Variants in ANO1 observed in about 807,000 individuals in gnomAD.
ANO1 encodes the protein anoctamin 1.
ANO1 carries 59 observed loss-of-function variants against 124.0 expected under a neutral mutation model. The observed-to-expected ratio is 0.48, with a 90% CI of 0.39 to 0.59. The LOEUF (loss-of-function observed/expected upper bound fraction) is 0.59. ANO1 is among the 20% of genes least tolerant of loss of function. The pLI is 0.00. For synonymous variants in ANO1, 529 were observed against 532.0 expected (o/e 0.99, Z 0.08); for missense variants, 1,059 against 1,328.0 (o/e 0.80, Z 3.15).
chr11:69,976,826 G>T, the ANO1 span, among the ~76,000 whole-genome samples: 1 of 152,236 alleles, frequency 6.6e-6, no homozygotes, highest in East Asian at 1.9e-4. Context: ...GCCCTGACCG[G>T]CCCGGGCCAT....
intron 12 of ANO1, chr11:70,150,003 C>A: frequency 1.5e-6 from 1 of 673,042 alleles, no homozygotes; most frequent in Non-Finnish European, 2.7e-6. Flanking sequence ...TGACCACTCC[C>A]TGTCTGCTGA....
At chr11:70,187,456 G>C (rs1264870521) in intron 25 of ANO1, among the ~76,000 whole-genome samples, 1 of 152,176 alleles carries the variant, frequency 6.6e-6, no homozygotes, top group African/African-American at 2.4e-5. Context: ...TGATCCATCA[G>C]GTCACTTCCT....
chr11:70,143,351 C>T (rs530060997), intron 11 of ANO1, among the ~76,000 whole-genome samples: 1 of 152,222 alleles, frequency 6.6e-6, no homozygotes, highest in South Asian at 2.1e-4. Context: ...AAAGGGAGTC[C>T]GCCAGCCAGC....
rs1856353444 is a variant in ANO1 at position 70,000,134 on chromosome 11, A to G, written c.58+13968A>G. 2.0e-5 allele frequency among the ~76,000 whole-genome samples: 3 copies of G among 152,188 alleles called. No homozygotes were observed. The South Asian group carries it at 6.2e-4, about 31-fold the overall frequency. ...AAGTGAGGTCACTTTTTGGATGGAG[A>G]TAATAAAGTGGGGACATAGCTACCC... On this transcript the variant is annotated intron_variant, in intron 1 of 27. Transcript: ENST00000531349.
At chr11:70,176,943 A>G (rs956902398) in intron 22 of ANO1, among the ~76,000 whole-genome samples, 1 of 151,996 alleles carries the variant, frequency 6.6e-6, no homozygotes, top group Non-Finnish European at 1.5e-5. Context: ...GCATTTCTCT[A>G]ACACACCCCG....
chr11:70,013,089 A>G (rs891861190), intron 1 of ANO1, among the ~76,000 whole-genome samples: 1 of 152,222 alleles, frequency 6.6e-6, no homozygotes, highest in Non-Finnish European at 1.5e-5. Context: ...CTAACAAAAA[A>G]CCACATTTAA....
At chr11:69,983,967 G>A (rs1194614851), upstream of ANO1, among the ~76,000 whole-genome samples, 1 of 152,046 alleles carries the variant, frequency 6.6e-6, no homozygotes, top group African/African-American at 2.4e-5. Flanking sequence ...GTCCATCCCT[G>A]CCCCAAAAAG....
At chr11:70,093,539 G>C (rs997072099) in intron 2 of ANO1, among the ~76,000 whole-genome samples, 1 of 152,176 alleles carries the variant, frequency 6.6e-6, no homozygotes, top group Non-Finnish European at 1.5e-5. Flanking sequence ...TGTGCTGGGG[G>C]GCGGCTGAGG....
chr11:70,085,634 G>A, intron 1 of ANO1: 1 of 1,532,500 alleles, frequency 6.5e-7, no homozygotes, highest in African/African-American at 1.4e-5. Flanking sequence ...ACCAGGGGTA[G>A]AGGAGTCTAG....
In ANO1 at chr11:70,146,328, G is replaced by C. The variant is rs1183219214; in HGVS notation, c.1259-3382G>C. 3.3e-5 allele frequency among the ~76,000 whole-genome samples: 5 copies of C among 152,294 alleles called. No homozygotes were observed. The East Asian group carries it at 9.6e-4, about 29-fold the overall frequency. ...CCTCCTTCCTGCCTGCGGTCGTTGT[G>C]AGGATGAGATTGACTGATATGTGTA... On this transcript the variant is annotated intron_variant, in intron 11 of 25. Coordinates refer to ENST00000355303, the MANE Select transcript of ANO1 (RefSeq NM_018043.7).
intron 2 of ANO1, among the ~76,000 whole-genome samples, chr11:70,092,050 CCTCT>C (rs2044650141): frequency 6.6e-6 from 1 of 152,194 alleles, no homozygotes; most frequent in South Asian, 2.1e-4. Context: ...GGCCGCGCTC[CCTCT>C]AAGACTCCAG....
chr11:70,167,655 C>T (rs1408418614), intron 21 of ANO1, among the ~76,000 whole-genome samples: 1 of 152,052 alleles, frequency 6.6e-6, no homozygotes, highest in Admixed American at 6.5e-5. Flanking sequence ...GCACGGTCCC[C>T]AAGCATGGTC....
chr11:69,969,744 C>T, the ANO1 span, among the ~76,000 whole-genome samples: 1 of 152,048 alleles, frequency 6.6e-6, no homozygotes, highest in Admixed American at 6.6e-5. Flanking sequence ...GTCAGGAGTT[C>T]GAGAACAGCC....
At chr11:70,083,426 GC>G (rs2044260178) in intron 1 of ANO1, among the ~76,000 whole-genome samples, 1 of 151,986 alleles carries the variant, frequency 6.6e-6, no homozygotes, top group Non-Finnish European at 1.5e-5. Flanking sequence ...TCTTGATCAG[GC>G]CCCAGTGCTG....
intron 1 of ANO1, chr11:70,063,626 C>T (rs1245593159): frequency 2.0e-5 from 3 of 152,094 alleles, no homozygotes; most frequent in East Asian, 1.9e-4. Context: ...TTCCTAATCC[C>T]GCGAACCCAG....
At chr11:70,137,865 C>G (rs1310456291) in intron 11 of ANO1, among the ~76,000 whole-genome samples, 1 of 147,702 alleles carries the variant, frequency 6.8e-6, no homozygotes, top group Non-Finnish European at 1.5e-5. Context: ...ATGCAAAGTT[C>G]TTAGGGCCAT....
intron 8 of ANO1, among the ~76,000 whole-genome samples, chr11:70,117,227 G>A (rs979520577): frequency 5.1e-4 from 76 of 149,528 alleles, no homozygotes; most frequent in African/African-American, 1.8e-3. Context: ...CCTGCCAGCA[G>A]GCCCAGATGA....
chr11:70,002,492 T>G (rs1856402599), intron 1 of ANO1, among the ~76,000 whole-genome samples: 1 of 124,130 alleles, frequency 8.1e-6, no homozygotes, highest in African/African-American at 2.7e-5. Context: ...AAAAAAACAC[T>G]TACGATTATG....
intron 2 of ANO1, among the ~76,000 whole-genome samples, chr11:70,101,811 T>C (rs949721908): frequency 6.6e-6 from 1 of 152,018 alleles, no homozygotes; most frequent in Non-Finnish European, 1.5e-5. Context: ...AGACTTCCCA[T>C]CCCTTCCTTT....
Sources: allele counts gnomAD v4.1 joint callset (sites outside exome capture counted in the v4.1 genomes callset), GRCh38; gene constraint gnomAD v4.1.1; transcripts MANE v1.5; gene names NCBI Gene and HGNC (gene_info 2026-07-23, HGNC 2026-07-21).